CNTN5: variants seen among roughly 807,000 people sequenced by gnomAD.
CNTN5 encodes the protein contactin 5, also known as contactin-5.
Under a neutral mutation model 129.1 loss-of-function variants are expected in CNTN5, and 77 were observed. The observed-to-expected ratio is 0.60, with a 90% confidence interval of 0.50 to 0.72. The LOEUF is 0.72. CNTN5 is among the 30% of genes least tolerant of loss of function. The pLI is 0.00. For missense variants in CNTN5, 1,478 were observed against 1,328.8 expected (o/e 1.11, Z -1.75); for synonymous variants, 509 against 465.6 (o/e 1.09, Z -1.20).
chr11:99,038,296 A>G (rs1468480549), intron 1 of CNTN5, among the ~76,000 whole-genome samples: 1 of 152,186 alleles, frequency 6.6e-6, no homozygotes, highest in Non-Finnish European at 1.5e-5. Context: ...TAATTGACAA[A>G]TAATAGTTGT....
intron 13 of CNTN5, among the ~76,000 whole-genome samples, chr11:100,138,945 A>C (rs894180159): frequency 8.5e-5 from 13 of 152,124 alleles, no homozygotes; most frequent in African/African-American, 3.1e-4. Flanking sequence ...TGGAAGGTAG[A>C]AATGACAGGA....
At chr11:99,853,328 A>ATG (rs1426565002) in intron 6 of CNTN5, among the ~76,000 whole-genome samples, 2 of 152,026 alleles carry the variant, frequency 1.3e-5, no homozygotes, top group African/African-American at 4.8e-5. Context: ...AGAGCTATAG[A>ATG]TGTGTGTGTG....
At chr11:99,061,655 G>A (rs577610569) in intron 1 of CNTN5, among the ~76,000 whole-genome samples, 38 of 152,204 alleles carry the variant, frequency 2.5e-4, no homozygotes, top group African/African-American at 8.2e-4. Flanking sequence ...TCGATGTGAG[G>A]ACAATTTTCA....
intron 2 of CNTN5, among the ~76,000 whole-genome samples, chr11:99,546,151 A>G (rs1451212172): frequency 1.3e-5 from 2 of 152,158 alleles, no homozygotes; most frequent in African/African-American, 4.8e-5. Flanking sequence ...TCTTCTCTGT[A>G]ATGATGGAAT....
intron 6 of CNTN5, among the ~76,000 whole-genome samples, chr11:99,852,780 A>T (rs1373502947): frequency 1.3e-5 from 2 of 152,190 alleles, no homozygotes; most frequent in Non-Finnish European, 2.9e-5. Flanking sequence ...CAAGTTGTAA[A>T]GTAACAAGGA....
At chr11:99,680,465 G>A (rs1331279976) in intron 3 of CNTN5, among the ~76,000 whole-genome samples, 1 of 151,612 alleles carries the variant, frequency 6.6e-6, no homozygotes, top group African/African-American at 2.4e-5. Context: ...ATTACAAAGT[G>A]TGGATGACAG....
chr11:99,973,887 T>A (rs1200737659), intron 8 of CNTN5, among the ~76,000 whole-genome samples: 2 of 152,204 alleles, frequency 1.3e-5, no homozygotes, highest in Non-Finnish European at 2.9e-5. Flanking sequence ...AACAAGACAT[T>A]TATTTCTTAA....
At chr11:99,608,132 C>T (rs1175618628) in intron 3 of CNTN5, among the ~76,000 whole-genome samples, 1 of 149,748 alleles carries the variant, frequency 6.7e-6, no homozygotes, top group East Asian at 1.9e-4. Context: ...TGTTTGTGAA[C>T]TCAAAACTTC....
intron 3 of CNTN5, among the ~76,000 whole-genome samples, chr11:99,783,044 A>G (rs865870194): frequency 6.7e-6 from 1 of 148,182 alleles, no homozygotes; most frequent in Non-Finnish European, 1.5e-5. Flanking sequence ...GCAACCTACA[A>G]AATGGGAGAA....
At chr11:99,334,982 GA>G (rs1325376123) in intron 2 of CNTN5, among the ~76,000 whole-genome samples, 1 of 152,056 alleles carries the variant, frequency 6.6e-6, no homozygotes, top group African/African-American at 2.4e-5. Context: ...AGACATGCTT[GA>G]AACAATAATG....
chr11:99,087,333 A>G (rs1275477380), intron 1 of CNTN5, among the ~76,000 whole-genome samples: 1 of 152,182 alleles, frequency 6.6e-6, no homozygotes, highest in Non-Finnish European at 1.5e-5. Flanking sequence ...TCCCTACTTT[A>G]TCTGGTATAA....
At chr11:99,547,359 A>G (rs1478722682) in intron 2 of CNTN5, among the ~76,000 whole-genome samples, 1 of 152,200 alleles carries the variant, frequency 6.6e-6, no homozygotes, top group Non-Finnish European at 1.5e-5. Context: ...AGTGGAAGGT[A>G]TGTGGGCAGA....
chr11:99,660,770 A>G (rs1308094508), intron 3 of CNTN5, among the ~76,000 whole-genome samples: 2 of 152,108 alleles, frequency 1.3e-5, no homozygotes, highest in Non-Finnish European at 2.9e-5. Flanking sequence ...CCTCAGTAGT[A>G]GTTACAGTGG....
intron 6 of CNTN5, among the ~76,000 whole-genome samples, chr11:99,909,940 A>G (rs2135986645): frequency 1.3e-5 from 2 of 151,668 alleles, no homozygotes. Context: ...GTGCACATGT[A>G]CCCTAAAACT....
chr11:99,277,746 C>T (rs1025478568), intron 1 of CNTN5, among the ~76,000 whole-genome samples: 30 of 151,502 alleles, frequency 2.0e-4, no homozygotes, highest in African/African-American at 6.5e-4. Flanking sequence ...AATATAGGTT[C>T]CTGAAAAACA....
At chr11:100,247,892 G>A (rs1193343675) in intron 16 of CNTN5, among the ~76,000 whole-genome samples, 1 of 151,946 alleles carries the variant, frequency 6.6e-6, no homozygotes, top group Non-Finnish European at 1.5e-5. Flanking sequence ...TGAGTAAACC[G>A]CATGATAAAA....
chr11:99,054,708 A>C (rs1051446525), intron 1 of CNTN5, among the ~76,000 whole-genome samples: 2 of 151,800 alleles, frequency 1.3e-5, no homozygotes, highest in African/African-American at 2.4e-5. Flanking sequence ...AATCCAATGG[A>C]AGACTTACCT....
At chr11:99,352,721 A>T (rs1158362223) in intron 2 of CNTN5, among the ~76,000 whole-genome samples, 2 of 152,160 alleles carry the variant, frequency 1.3e-5, no homozygotes, top group Non-Finnish European at 2.9e-5. Context: ...ATCTTTCATT[A>T]TTCCTTTCCA....
chr11:99,863,753 C>T lies in CNTN5; in HGVS notation c.577+18491C>T, dbSNP rs548389001. Among the ~76,000 whole-genome samples the T allele has an allele frequency of 2.8e-4, 43 of 152,198 alleles. No individual in the cohort carries two copies. The South Asian group carries it at 8.9e-3, about 32-fold the overall frequency. On this transcript the variant is annotated intron_variant, in intron 6 of 24. Coordinates refer to ENST00000524871, the MANE Select transcript of CNTN5 (RefSeq NM_014361.4). The stretch of plus-strand genomic sequence containing the variant: ...GCCTAAACTAAAATAAGTTGAATAC[C>T]TAGCAATATTAAGAAGCGTTTTCCT...
Sources: gnomAD v4.1 joint callset for allele counts (sites outside exome capture counted in the v4.1 genomes callset) on GRCh38, gnomAD v4.1.1 for gene constraint, MANE v1.5 for transcripts, NCBI Gene and HGNC (gene_info 2026-07-23, HGNC 2026-07-21) for gene names.